The following UGT1A10 variants were observed in gnomAD, a reference collection of about 807,000 sequenced individuals.
UGT1A10 encodes the protein UDP-glucuronosyltransferase 1A10.
A neutral mutation model predicts 45.8 loss-of-function variants in UGT1A10; 49 were observed. The observed-to-expected ratio is 1.07, with a 90% CI of 0.85 to 1.36. The LOEUF (loss-of-function observed/expected upper bound fraction) is 1.36. Among genes scored for constraint, UGT1A10 ranks in the 40% most tolerant of loss-of-function variants. The probability of loss-of-function intolerance (pLI) is 0.00; values close to 1 mark genes in which losing one functional copy is unlikely to be tolerated. For missense variants in UGT1A10, 745 were observed against 668.6 expected (o/e 1.11, Z -1.26); for synonymous variants, 284 against 249.7 (o/e 1.14, Z -1.29).
chr2:233,719,597 G>C, intron 1 of UGT1A10: 3 of 1,613,960 alleles, frequency 1.9e-6, no homozygotes, highest in Non-Finnish European at 2.5e-6. Flanking sequence ...TGTTCCGAGG[G>C]GACTTTGTGA....
intron 1 of UGT1A10, among the ~76,000 whole-genome samples, chr2:233,737,428 G>A (rs188444988): frequency 6.6e-6 from 1 of 152,348 alleles, no homozygotes; most frequent in African/African-American, 2.4e-5. Context: ...CAGTATTTGG[G>A]TGGGAGTGTC....
intron 1 of UGT1A10, chr2:233,672,631 G>A (rs1268856154): frequency 6.2e-7 from 1 of 1,613,892 alleles, no homozygotes; most frequent in Non-Finnish European, 8.5e-7. Flanking sequence ...AATAGCCTCT[G>A]AAATTCTCCA....
intron 1 of UGT1A10, chr2:233,740,958 A>C (rs1691521445): frequency 6.6e-6 from 1 of 151,686 alleles, no homozygotes; most frequent in Non-Finnish European, 1.5e-5. Context: ...GTGTGGTAGC[A>C]TTTCTGTAGT....
intron 1 of UGT1A10, among the ~76,000 whole-genome samples, chr2:233,745,069 T>C (rs1371401376): frequency 2.0e-5 from 3 of 151,904 alleles, no homozygotes; most frequent in African/African-American, 7.3e-5. Flanking sequence ...ATTATTTGTA[T>C]TGTTTTTTCA....
At chr2:233,692,820 C>G in intron 1 of UGT1A10, 1 of 1,432,178 alleles carries the variant, frequency 7.0e-7, no homozygotes, top group East Asian at 2.5e-5. Context: ...TTCATATTAA[C>G]CATGTGATTA....
chr2:233,727,441 G>T (rs2077617146), intron 1 of UGT1A10, among the ~76,000 whole-genome samples: 1 of 152,130 alleles, frequency 6.6e-6, no homozygotes, highest in African/African-American at 2.4e-5. Flanking sequence ...CATGTGACAA[G>T]AAATCAGATG....
chr2:233,668,803 A>T (rs1473711548), intron 1 of UGT1A10, among the ~76,000 whole-genome samples: 1 of 152,214 alleles, frequency 6.6e-6, no homozygotes, highest in African/African-American at 2.4e-5. Context: ...ATTAATTTTT[A>T]CCTAATGTCC....
At chr2:233,659,411 T>TA (rs2073922311) in intron 1 of UGT1A10, among the ~76,000 whole-genome samples, 1 of 152,310 alleles carries the variant, frequency 6.6e-6, no homozygotes, top group South Asian at 2.1e-4. Context: ...ATTATTGTAA[T>TA]AAAGTCAGCT....
At position 233,693,437 on chromosome 2, in the gene UGT1A10, G is replaced by C. The variant is rs955670837; in HGVS notation, c.855+56060G>C. On this transcript the variant is annotated intron_variant, in intron 1 of 4. Coordinates refer to ENST00000344644, the MANE Select transcript of UGT1A10 (RefSeq NM_019075.4). ...GAACTTCTTTAAGGAGAGCAAGTTTGATGCTCTTTTCACAGACCCAGCCTT... is the reference window on the plus strand; with the variant it reads ...GAACTTCTTTAAGGAGAGCAAGTTTCATGCTCTTTTCACAGACCCAGCCTT... 17 of 1,614,030 alleles carry C rather than the reference G, an allele frequency of 1.1e-5. No individual in the cohort carries two copies. The highest frequency in any genetic ancestry group is 1.4e-5 in the Non-Finnish European group (16 of 1,180,034).
chr2:233,762,314 C>T (rs548976022), intron 1 of UGT1A10, among the ~76,000 whole-genome samples: 27 of 152,272 alleles, frequency 1.8e-4, no homozygotes, highest in African/African-American at 5.3e-4. Context: ...GTTAATGGGT[C>T]GAGAGTAATC....
intron 1 of UGT1A10, chr2:233,691,864 GA>G (rs1433694796): frequency 6.4e-6 from 1 of 157,024 alleles, no homozygotes; most frequent in Non-Finnish European, 1.4e-5. Context: ...TGTATAATAA[GA>G]AATATATGTT....
intron 1 of UGT1A10, among the ~76,000 whole-genome samples, chr2:233,725,666 T>C (rs1346246922): frequency 6.6e-6 from 1 of 152,182 alleles, no homozygotes; most frequent in Non-Finnish European, 1.5e-5. Context: ...CAATTTGGAA[T>C]AGTCACATTT....
intron 1 of UGT1A10, chr2:233,713,901 C>T (rs1232618327): frequency 1.9e-6 from 3 of 1,612,940 alleles, no homozygotes; most frequent in East Asian, 2.2e-5. Flanking sequence ...CCAGGCAAAA[C>T]ACTTTTTAAA....
chr2:233,738,320 T>C (rs1202605644), intron 1 of UGT1A10, among the ~76,000 whole-genome samples: 5 of 152,210 alleles, frequency 3.3e-5, no homozygotes, highest in Admixed American at 3.3e-4. Context: ...AGTGTGTGAA[T>C]GGACTAATAC....
At chr2:233,730,142 AC>A in intron 1 of UGT1A10, 1 of 1,517,928 alleles carries the variant, frequency 6.6e-7, no homozygotes, top group East Asian at 2.4e-5. Context: ...AGTGAGATAA[AC>A]TGTTAAGGGG....
chr2:233,750,292 G>T (rs1321063731), intron 1 of UGT1A10, among the ~76,000 whole-genome samples: 1 of 151,952 alleles, frequency 6.6e-6, no homozygotes, highest in Non-Finnish European at 1.5e-5. Context: ...GTGGCATTTT[G>T]CCCCTGCCCT....
chr2:233,667,432 G>C (rs2074101781), intron 1 of UGT1A10, among the ~76,000 whole-genome samples: 1 of 152,146 alleles, frequency 6.6e-6, no homozygotes, highest in African/African-American at 2.4e-5. Context: ...AAAAACCCTA[G>C]AAGAAAACCT....
chr2:233,715,999 A>C (rs2076482577), intron 1 of UGT1A10, among the ~76,000 whole-genome samples: 1 of 152,184 alleles, frequency 6.6e-6, no homozygotes, highest in African/African-American at 2.4e-5. Flanking sequence ...ACAAAACCCA[A>C]AATGACTTTA....
At chr2:233,714,597 G>T (rs1437525626) in intron 1 of UGT1A10, among the ~76,000 whole-genome samples, 2 of 152,186 alleles carry the variant, frequency 1.3e-5, no homozygotes, top group Admixed American at 6.5e-5. Context: ...TTTCTAGTGG[G>T]CATGTTAAAC....
Sources: allele counts gnomAD v4.1 joint callset (sites outside exome capture counted in the v4.1 genomes callset), GRCh38; gene constraint gnomAD v4.1.1; transcripts MANE v1.5; gene names NCBI Gene and HGNC (gene_info 2026-07-23, HGNC 2026-07-21).